PTPRK: variants seen among roughly 807,000 people sequenced by gnomAD.
PTPRK encodes protein tyrosine phosphatase receptor type K.
PTPRK carries 75 observed loss-of-function variants against 178.0 expected under a neutral mutation model. The observed-to-expected ratio is 0.42, with a 90% CI of 0.35 to 0.51. PTPRK has a LOEUF of 0.51. Ranked by LOEUF, PTPRK falls within the 20% of genes least tolerant of loss-of-function variation. The pLI is 0.02. For synonymous variants in PTPRK, 637 were observed against 620.6 expected, an observed-to-expected ratio of 1.03 and a Z score of -0.39; for missense variants, 1,441 against 1,797.8, an observed-to-expected ratio of 0.80 and a Z score of 3.59.
At chr6:128,150,320 T>C (rs1225981501) in intron 7 of PTPRK, among the ~76,000 whole-genome samples, 8 of 152,256 alleles carry the variant, frequency 5.3e-5, no homozygotes, top group South Asian at 2.1e-4. Flanking sequence ...TAGTGGTCAA[T>C]AGGCTAAATA....
chr6:127,992,622 T>G (rs749042040), intron 19 of PTPRK, 51 bp downstream of exon 19: 1 of 1,482,140 alleles, frequency 6.7e-7, no homozygotes, highest in South Asian at 1.3e-5. Context: ...ACCACATAGA[T>G]GAATAAGCAA....
chr6:128,504,900 A>C (rs1856097162), intron 1 of PTPRK, among the ~76,000 whole-genome samples: 1 of 152,122 alleles, frequency 6.6e-6, no homozygotes, highest in Non-Finnish European at 1.5e-5. Context: ...TGTGACCAAA[A>C]TATGTAGCAG....
intron 1 of PTPRK, among the ~76,000 whole-genome samples, chr6:128,422,040 G>C (rs146833229): frequency 6.6e-6 from 1 of 152,150 alleles, no homozygotes; most frequent in Non-Finnish European, 1.5e-5. Flanking sequence ...TATTTCTTCA[G>C]GGAGATCCCT....
chr6:128,014,983 T>C (rs1217442042), intron 13 of PTPRK, among the ~76,000 whole-genome samples: 1 of 151,682 alleles, frequency 6.6e-6, no homozygotes, highest in African/African-American at 2.4e-5. Context: ...CCTTTAATAA[T>C]GATATGGACG....
intron 3 of PTPRK, among the ~76,000 whole-genome samples, chr6:128,288,139 T>C (rs1822810830): frequency 6.6e-6 from 1 of 152,216 alleles, no homozygotes; most frequent in African/African-American, 2.4e-5. Context: ...TTCTTGACAC[T>C]TGACTACACT....
At chr6:128,164,054 C>T (rs1253285417) in intron 7 of PTPRK, among the ~76,000 whole-genome samples, 1 of 151,460 alleles carries the variant, frequency 6.6e-6, no homozygotes, top group East Asian at 1.9e-4. Context: ...TCCTTTGACA[C>T]ACCCAAATCC....
chr6:127,985,730 A>G lies in PTPRK; in HGVS notation c.3242T>C (p.Val1081Ala). Residue 1081 changes from valine to alanine, a missense_variant, in exon 22 of 30, where the codon GTA becomes GCA. By Grantham distance (64) the Val-to-Ala change is moderately conservative (BLOSUM62 0). Around this residue, in one of 4 missense-constraint regions of PTPRK, gnomAD observed 335 missense variants for 512.4 expected, o/e 0.65. Transcript: ENST00000368226. ...TTGGACCACCACTTACCTGCAATGT[A>G]CAACGATGGGGCCAGCACTGGGAGG... ...SNPPSAGPIV[V>A]HCSAGAGRTG... 1.2e-6 allele frequency: 2 copies of G among 1,612,574 alleles called. No homozygotes were observed. Among genetic ancestry groups the G allele is most frequent in the South Asian group, 1.1e-5 (1 of 90,984 alleles).
At chr6:128,358,714 T>C (rs1183712674) in intron 2 of PTPRK, among the ~76,000 whole-genome samples, 4 of 152,200 alleles carry the variant, frequency 2.6e-5, no homozygotes, top group Admixed American at 1.3e-4. Context: ...ATTAACTTGA[T>C]AAATCATGCA....
At chr6:128,471,371 GA>G (rs1017662782) in intron 1 of PTPRK, among the ~76,000 whole-genome samples, 20 of 151,822 alleles carry the variant, frequency 1.3e-4, no homozygotes, top group South Asian at 2.1e-4. Context: ...GAATGGGGGG[GA>G]AAAGTGAATG....
intron 17 of PTPRK, 91 bp from the exon 18 acceptor site, chr6:127,995,629 G>T (rs1435923641): frequency 2.7e-6 from 2 of 751,274 alleles, no homozygotes; most frequent in Non-Finnish European, 4.3e-6. Flanking sequence ...TTCAGTGGTT[G>T]CCCATAGTCT....
intron 13 of PTPRK, among the ~76,000 whole-genome samples, chr6:128,045,165 T>C (rs1290555971): frequency 6.6e-6 from 1 of 152,036 alleles, no homozygotes; most frequent in African/African-American, 2.4e-5. Flanking sequence ...CCTATCTCTT[T>C]AGTAGAATAC....
chr6:128,042,091 C>T (rs1044125339), intron 13 of PTPRK, among the ~76,000 whole-genome samples: 1 of 151,980 alleles, frequency 6.6e-6, no homozygotes, highest in Non-Finnish European at 1.5e-5. Flanking sequence ...TTCTTCTGCA[C>T]CTTTGCCACA....
intron 13 of PTPRK, among the ~76,000 whole-genome samples, chr6:128,045,179 C>T (rs1398861185): frequency 1.4e-4 from 22 of 151,972 alleles, no homozygotes; most frequent in Non-Finnish European, 2.6e-4. Flanking sequence ...AGAATACTTA[C>T]GTATAGTATA....
chr6:128,433,487 G>GTT (rs112628694), intron 1 of PTPRK, among the ~76,000 whole-genome samples: 6 of 148,552 alleles, frequency 4.0e-5, no homozygotes, highest in African/African-American at 1.5e-4. Flanking sequence ...ATTTCTAATA[G>GTT]TTTTTTTTTT....
chr6:128,271,933 C>G (rs1422640266), intron 3 of PTPRK, among the ~76,000 whole-genome samples: 2 of 150,614 alleles, frequency 1.3e-5, no homozygotes, highest in Non-Finnish European at 2.9e-5. Context: ...TAATAGTACT[C>G]GTTAATATAG....
intron 1 of PTPRK, among the ~76,000 whole-genome samples, chr6:128,418,181 G>A (rs1362974564): frequency 3.3e-5 from 5 of 152,162 alleles, no homozygotes; most frequent in Non-Finnish European, 1.5e-5. Flanking sequence ...CATAATCACA[G>A]TTCCTTCAAA....
Position 128,307,596 on chromosome 6 carries a change from A to G in PTPRK, c.495+14443T>C, listed in dbSNP as rs115965336. Among the ~76,000 whole-genome samples, 1,373 of 152,230 alleles carry G rather than the reference A, an allele frequency of 9.0e-3. 20 individuals carry two copies. Among genetic ancestry groups the G allele is most frequent in the African/African-American group, 0.031 (1,289 of 41,556 alleles). Reference sequence around the variant, plus strand: ...GTCAAATGATTACTATCTAGACCAGAAAAGAAGGCTTCCCAATTGATAAGA... The same window carrying G: ...GTCAAATGATTACTATCTAGACCAGGAAAGAAGGCTTCCCAATTGATAAGA... On this transcript the variant is annotated intron_variant, in intron 3 of 29. Coordinates refer to ENST00000368226, the MANE Select transcript of PTPRK (RefSeq NM_002844.4).
At chr6:128,402,037 T>G (rs1015241268) in intron 1 of PTPRK, among the ~76,000 whole-genome samples, 4 of 152,184 alleles carry the variant, frequency 2.6e-5, no homozygotes, top group African/African-American at 9.7e-5. Flanking sequence ...AAGCTAACTT[T>G]GTCATCTATC....
intron 1 of PTPRK, among the ~76,000 whole-genome samples, chr6:128,458,228 A>G (rs1293989627): frequency 1.3e-5 from 2 of 152,120 alleles, no homozygotes; most frequent in Non-Finnish European, 2.9e-5. Context: ...ATCAGGAAAT[A>G]TGTAAATGTT....
Sources: gnomAD v4.1 joint callset for allele counts (sites outside exome capture counted in the v4.1 genomes callset) on GRCh38, gnomAD v4.1.1 for gene constraint, gnomAD v4.1.1 regional missense constraint, MANE v1.5 for transcripts, NCBI Gene and HGNC (gene_info 2026-07-23, HGNC 2026-07-21) for gene names.